FBXO36: variants seen among roughly 807,000 people sequenced by gnomAD.
The protein encoded by FBXO36 is F-box protein 36, also known as F-box only protein 36.
In FBXO36, 18 loss-of-function variants were observed where a neutral mutation model predicts 17.0. The ratio of observed to expected loss-of-function variants is 1.06; its 90% CI spans 0.73 to 1.57. The LOEUF is 1.57. Among genes scored for constraint, FBXO36 ranks in the 40% most tolerant of loss-of-function variants. FBXO36 has a pLI of 0.00. For synonymous variants in FBXO36, 83 were observed against 85.3 expected (o/e 0.97, Z 0.15); for missense variants, 229 against 221.9 (o/e 1.03, Z -0.20).
chr2:229,988,840 T>TTG (rs1560451715), intron 2 of FBXO36, among the ~76,000 whole-genome samples: 3 of 147,094 alleles, frequency 2.0e-5, no homozygotes, highest in African/African-American at 2.5e-5. Context: ...TTTTTTTTTT[T>TTG]TTTGTTTTTT....
intron 1 of FBXO36, among the ~76,000 whole-genome samples, chr2:229,954,022 C>T (rs1219816588): frequency 2.6e-5 from 4 of 151,940 alleles, no homozygotes; most frequent in African/African-American, 7.3e-5. Context: ...TGTGCCATCA[C>T]GCCAGCTAAT....
intron 1 of FBXO36, among the ~76,000 whole-genome samples, chr2:229,966,644 T>C (rs1293956934): frequency 6.6e-6 from 1 of 152,210 alleles, no homozygotes; most frequent in Admixed American, 6.6e-5. Context: ...GGGAATCCTT[T>C]CCCCATTTCT....
At chr2:230,005,941 T>C (rs2077384876) in intron 3 of FBXO36, among the ~76,000 whole-genome samples, 1 of 152,096 alleles carries the variant, frequency 6.6e-6, no homozygotes, top group African/African-American at 2.4e-5. Flanking sequence ...GTACTGAGAT[T>C]ACAGATGTGA....
intron 3 of FBXO36, among the ~76,000 whole-genome samples, chr2:230,007,519 A>G (rs1487548057): frequency 6.6e-6 from 1 of 152,170 alleles, no homozygotes; most frequent in Non-Finnish European, 1.5e-5. Flanking sequence ...CTGGCTTGGT[A>G]GATCTGAGGT....
chr2:229,989,482 C>T (rs2077287208), intron 2 of FBXO36, among the ~76,000 whole-genome samples: 1 of 152,028 alleles, frequency 6.6e-6, no homozygotes, highest in Non-Finnish European at 1.5e-5. Context: ...ATCTTGAACT[C>T]CCCACCTCAG....
At chr2:229,990,823 A>G (rs200196980) in intron 2 of FBXO36, among the ~76,000 whole-genome samples, 12 of 152,356 alleles carry the variant, frequency 7.9e-5, no homozygotes, top group East Asian at 5.8e-4. Context: ...TTGAGAGTTT[A>G]TAAAGCTAAT....
intron 1 of FBXO36, among the ~76,000 whole-genome samples, chr2:229,945,848 C>A (rs1460702957): frequency 6.6e-6 from 1 of 151,496 alleles, no homozygotes; most frequent in Non-Finnish European, 1.5e-5. Context: ...CATGGGGAAA[C>A]CCTGTCTCTA....
chr2:229,948,946 G>T (rs954637674), intron 1 of FBXO36, among the ~76,000 whole-genome samples: 1 of 152,118 alleles, frequency 6.6e-6, no homozygotes, highest in African/African-American at 2.4e-5. Context: ...TGATTATCCT[G>T]CCTCAGCCTC....
intron 1 of FBXO36, among the ~76,000 whole-genome samples, chr2:229,971,360 A>G (rs1207356637): frequency 1.4e-5 from 2 of 138,070 alleles, no homozygotes; most frequent in Admixed American, 1.4e-4. Flanking sequence ...ATCTCAAAAG[A>G]AAAAAAAAAA....
At chr2:229,948,665 C>G (rs989859422) in intron 1 of FBXO36, among the ~76,000 whole-genome samples, 1 of 152,032 alleles carries the variant, frequency 6.6e-6, no homozygotes, top group Admixed American at 6.6e-5. Context: ...CCCTTTTCAT[C>G]TCTTCCTCCT....
chr2:229,972,615 T>C (rs2077186398), intron 1 of FBXO36, among the ~76,000 whole-genome samples: 1 of 151,820 alleles, frequency 6.6e-6, no homozygotes, highest in Admixed American at 6.6e-5. Flanking sequence ...CAGGGCACTT[T>C]GGATATTCTC....
Position 229,996,833 on chromosome 2 carries a change from G to T in FBXO36, c.288G>T (p.Arg96=). ...LCKGKFDFLE[R]LSDDLLLTII... is the part of the protein sequence containing the mutation. The stretch of plus-strand genomic sequence containing the variant: ...AAGGTAAATTTGACTTCCTTGAACG[G>T]CTCTCAGACGATTTGCTCCTGACTA... Residue 96 remains arginine, a synonymous_variant, in exon 3 of 4, where the codon CGG becomes CGT. Coordinates refer to ENST00000283946, the MANE Select transcript of FBXO36 (RefSeq NM_174899.5). The T allele has an allele frequency of 6.2e-7, 1 of 1,613,950 alleles. No homozygotes were observed. Among genetic ancestry groups the T allele is most frequent in the East Asian group, 2.2e-5 (1 of 44,854 alleles).
At chr2:229,952,170 A>T (rs1049737516) in intron 1 of FBXO36, among the ~76,000 whole-genome samples, 1 of 152,210 alleles carries the variant, frequency 6.6e-6, no homozygotes, top group Non-Finnish European at 1.5e-5. Flanking sequence ...CTGCAGGCCA[A>T]ACAACTTCAG....
chr2:229,962,498 TTTTTATTTTATTTTA>T (rs150685147), intron 1 of FBXO36, among the ~76,000 whole-genome samples: 2,837 of 127,364 alleles, frequency 0.022, 54 homozygotes, highest in African/African-American at 0.052. Context: ...ACCTAGTTGA[TTTTTATTTTATTTTA>T]TTTTATTTTA....
At chr2:230,009,764 GA>G (rs1021023937) in intron 3 of FBXO36, among the ~76,000 whole-genome samples, 60 of 151,906 alleles carry the variant, frequency 3.9e-4, no homozygotes, top group African/African-American at 1.2e-3. Context: ...TCAACGTGGC[GA>G]AAACCTGTCT....
intron 1 of FBXO36, among the ~76,000 whole-genome samples, chr2:229,964,809 G>A (rs1449823523): frequency 5.3e-5 from 8 of 152,134 alleles, no homozygotes; most frequent in East Asian, 1.9e-4. Context: ...GTGAGCCACC[G>A]CGCCCGGTGC....
In FBXO36 at chr2:229,933,679, A is replaced by AC. The variant is rs1344436462; in HGVS notation, c.96+11075dup. Among the ~76,000 whole-genome samples the AC allele has an allele frequency of 3.3e-5, 5 of 151,288 alleles. No individual in the cohort carries two copies. In the East Asian group the frequency reaches 9.8e-4, roughly 30 times the overall value. On this transcript the variant is annotated intron_variant, in intron 1 of 3. Coordinates refer to ENST00000283946, the MANE Select transcript of FBXO36 (RefSeq NM_174899.5). ...AGTACAGCCTATGGAAAATACTGAG[A>AC]CCCCCTCTATGTTGTTATTTTTTTG...
intron 1 of FBXO36, among the ~76,000 whole-genome samples, chr2:229,958,257 CTTTTT>C (rs1161188534): frequency 6.6e-4 from 52 of 78,680 alleles, no homozygotes; most frequent in African/African-American, 2.6e-3. Context: ...CTCTGACTTT[CTTTTT>C]TTTTTTTTTT....
chr2:229,939,201 G>A (rs2076984038), intron 1 of FBXO36: 1 of 981,786 alleles, frequency 1.0e-6, no homozygotes, highest in South Asian at 4.7e-5. Flanking sequence ...TTACAGGCAT[G>A]AGCCACCGCG....
Sources: gnomAD v4.1 joint callset for allele counts (sites outside exome capture counted in the v4.1 genomes callset) on GRCh38, gnomAD v4.1.1 for gene constraint, MANE v1.5 for transcripts, NCBI Gene and HGNC (gene_info 2026-07-23, HGNC 2026-07-21) for gene names.